ANKDD1A: variants seen among roughly 807,000 people sequenced by gnomAD.
ANKDD1A encodes the protein ankyrin repeat and death domain-containing protein 1A.
Under a neutral mutation model 63.5 loss-of-function variants are expected in ANKDD1A, and 59 were observed. The ratio of observed to expected loss-of-function variants is 0.93; its 90% CI spans 0.75 to 1.15. The LOEUF (loss-of-function observed/expected upper bound fraction) is 1.15, where lower values mean the gene tolerates loss of function less well. Ranked by LOEUF, ANKDD1A falls within the 50% of genes most tolerant of loss-of-function variation. The probability of loss-of-function intolerance (pLI) is 0.00; values close to 1 mark genes in which losing one functional copy is unlikely to be tolerated. For synonymous variants in ANKDD1A, 266 were observed against 263.9 expected (o/e 1.01, Z -0.08); for missense variants, 632 against 656.4 (o/e 0.96, Z 0.41).
chr15:64,952,288 C>G (rs1456812414), intron 14 of ANKDD1A, among the ~76,000 whole-genome samples: 2 of 140,684 alleles, frequency 1.4e-5, no homozygotes, highest in Non-Finnish European at 3.1e-5. Flanking sequence ...TCTTCCTTCT[C>G]CTTCCTCTCC....
At chr15:64,953,169 TTTTCTTC>T (rs2085332926) in intron 14 of ANKDD1A, among the ~76,000 whole-genome samples, 4 of 95,676 alleles carry the variant, frequency 4.2e-5, no homozygotes, top group African/African-American at 6.6e-5. Flanking sequence ...TCTTTCCTTC[TTTTCTTC>T]TTTTTCTTCT....
intron 13 of ANKDD1A, among the ~76,000 whole-genome samples, chr15:64,948,044 A>G (rs1326117542): frequency 5.0e-5 from 1 of 20,080 alleles, no homozygotes; most frequent in Admixed American, 1.2e-3. Flanking sequence ...CAGAGGAATC[A>G]ACTAAAAAAA....
intron 14 of ANKDD1A, among the ~76,000 whole-genome samples, chr15:64,951,908 G>A (rs373051901): frequency 1.2e-4 from 12 of 103,066 alleles, no homozygotes; most frequent in East Asian, 1.0e-3. Context: ...TTTTCTCTTC[G>A]TCCTCTTGTT....
At chr15:64,954,341 CCT>C (rs2085381653) in intron 14 of ANKDD1A, among the ~76,000 whole-genome samples, 1 of 90,722 alleles carries the variant, frequency 1.1e-5, no homozygotes, top group South Asian at 4.2e-4. Context: ...TCTTCTTCCT[CCT>C]CTCCTTCTTC....
chr15:64,936,902 C>G (rs965642881), intron 9 of ANKDD1A, among the ~76,000 whole-genome samples: 1 of 151,996 alleles, frequency 6.6e-6, no homozygotes, highest in African/African-American at 2.4e-5. Flanking sequence ...ACAAACAACA[C>G]AAGAGAAAAA....
intron 3 of ANKDD1A, among the ~76,000 whole-genome samples, chr15:64,920,169 G>A (rs1302911075): frequency 6.6e-6 from 1 of 152,180 alleles, no homozygotes; most frequent in Non-Finnish European, 1.5e-5. Flanking sequence ...GGATCTGGCT[G>A]GCTCTTGATG....
intron 4 of ANKDD1A, among the ~76,000 whole-genome samples, chr15:64,923,733 C>T (rs1294062801): frequency 1.3e-5 from 2 of 152,160 alleles, no homozygotes; most frequent in Non-Finnish European, 2.9e-5. Flanking sequence ...GTGAATACAC[C>T]CAGGTTCAAG....
chr15:64,953,926 CTT>C (rs1566918117), intron 14 of ANKDD1A, among the ~76,000 whole-genome samples: 18 of 9,690 alleles, frequency 1.9e-3, no homozygotes, highest in East Asian at 9.1e-3. Flanking sequence ...TTCTCTTTTT[CTT>C]TTTTCTTTTC....
At chr15:64,947,737 C>T in intron 13 of ANKDD1A, 144 bp downstream of exon 13, 1 of 972,692 alleles carries the variant, frequency 1.0e-6, no homozygotes, top group South Asian at 1.6e-5. Flanking sequence ...ACCTGGTGCT[C>T]TGTCCCTCCT....
At chr15:64,941,798 G>A (rs2085186542) in intron 9 of ANKDD1A, among the ~76,000 whole-genome samples, 1 of 152,186 alleles carries the variant, frequency 6.6e-6, no homozygotes, top group South Asian at 2.1e-4. Context: ...GGCCACAGGA[G>A]ACTATTGGGG....
At chr15:64,952,863 C>CTTCCTCTTTTCTTCTCTTTCTTCT (rs1555397680) in intron 14 of ANKDD1A, among the ~76,000 whole-genome samples, 1 of 121,158 alleles carries the variant, frequency 8.3e-6, no homozygotes, top group African/African-American at 3.1e-5. Context: ...TCTCCTTCTT[C>CTTCCTCTTTTCTTCTCTTTCTTCT]TTTTCTTCTC....
At chr15:64,914,871 A>C (rs769858189) in intron 1 of ANKDD1A, among the ~76,000 whole-genome samples, 1 of 152,120 alleles carries the variant, frequency 6.6e-6, no homozygotes, top group Non-Finnish European at 1.5e-5. Flanking sequence ...GGGAGCTCTG[A>C]GGTTCCCTTT....
intron 14 of ANKDD1A, chr15:64,950,790 T>C (rs1280489700): frequency 2.1e-6 from 2 of 971,764 alleles, no homozygotes; most frequent in African/African-American, 4.0e-5. Context: ...AAGACTCATT[T>C]CAGGGTAGAG....
At chr15:64,939,655 T>C (rs2085164714) in intron 9 of ANKDD1A, among the ~76,000 whole-genome samples, 2 of 152,040 alleles carry the variant, frequency 1.3e-5, no homozygotes, top group Non-Finnish European at 2.9e-5. Flanking sequence ...TGCAGAACAG[T>C]GTAATATGCT....
intron 7 of ANKDD1A, 127 bp downstream of exon 7, chr15:64,931,047 C>G (rs1161361845): frequency 1.0e-6 from 1 of 954,360 alleles, no homozygotes; most frequent in Non-Finnish European, 1.5e-6. Context: ...AACTGAGAGC[C>G]CACCAGGGAA....
chr15:64,954,728 CT>C (rs2085396274), intron 14 of ANKDD1A, among the ~76,000 whole-genome samples: 1,274 of 69,518 alleles, frequency 0.018, 21 homozygotes, highest in African/African-American at 0.049. Flanking sequence ...TCTCCTCCTC[CT>C]TCTTCTTCCT....
At chr15:64,922,384 G>C (rs766004941) in intron 4 of ANKDD1A, 2 of 183,430 alleles carry the variant, frequency 1.1e-5, no homozygotes, top group Non-Finnish European at 2.3e-5. Flanking sequence ...GTGTGGTATG[G>C]TGGGCGAGTT....
chr15:64,942,958 C>T (rs971426909), intron 10 of ANKDD1A, among the ~76,000 whole-genome samples: 1 of 152,198 alleles, frequency 6.6e-6, no homozygotes, highest in Non-Finnish European at 1.5e-5. Context: ...CCTGTCCCCA[C>T]AATCTACCCA....
intron 12 of ANKDD1A, among the ~76,000 whole-genome samples, chr15:64,945,607 C>CATATATATATATAT (rs61390435): frequency 0.028 from 2,076 of 73,558 alleles, 189 homozygotes; most frequent in Non-Finnish European, 0.031. Flanking sequence ...GCATTTTCAA[C>CATATATATATATAT]ATATATATAT....
Sources: allele counts gnomAD v4.1 joint callset (sites outside exome capture counted in the v4.1 genomes callset), GRCh38; gene constraint gnomAD v4.1.1; transcripts MANE v1.5; gene names NCBI Gene and HGNC (gene_info 2026-07-23, HGNC 2026-07-21).